MPPED2: variants seen among roughly 807,000 people sequenced by gnomAD.
MPPED2 encodes metallophosphoesterase MPPED2.
Under a neutral mutation model 33.0 loss-of-function variants are expected in MPPED2, and 5 were observed. That is an observed-to-expected ratio of 0.15 (90% CI 0.08 to 0.32). The LOEUF is 0.32. MPPED2 is among the 10% of genes least tolerant of loss of function. MPPED2 has a pLI of 1.00. For missense variants in MPPED2, 275 were observed against 372.1 expected (o/e 0.74, Z 2.15); for synonymous variants, 136 against 141.9 (o/e 0.96, Z 0.29).
intron 4 of MPPED2, among the ~76,000 whole-genome samples, chr11:30,439,917 T>C (rs1269280098): frequency 2.0e-5 from 3 of 152,260 alleles, no homozygotes; most frequent in Non-Finnish European, 4.4e-5. Context: ...ATCTAGGTGT[T>C]CTGTTAATCC....
intron 3 of MPPED2, among the ~76,000 whole-genome samples, chr11:30,516,973 C>T (rs1953569168): frequency 6.6e-6 from 1 of 152,078 alleles, no homozygotes. Flanking sequence ...GCTGTATGCT[C>T]CATTCTGTAT....
intron 4 of MPPED2, among the ~76,000 whole-genome samples, chr11:30,485,578 G>C (rs900411837): frequency 1.4e-5 from 2 of 144,590 alleles, no homozygotes; most frequent in Admixed American, 6.9e-5. Context: ...CCCTCCTTCT[G>C]TAAGTAAAAC....
chr11:30,514,178 TGATTAGTTAGTA>T (rs1234554969), intron 3 of MPPED2, among the ~76,000 whole-genome samples: 1 of 152,190 alleles, frequency 6.6e-6, no homozygotes, highest in East Asian at 1.9e-4. Context: ...GAGGGTATCT[TGATTAGTTAGTA>T]CATCTATTTC....
chr11:30,441,873 C>T (rs1423342593), intron 4 of MPPED2, among the ~76,000 whole-genome samples: 3 of 152,194 alleles, frequency 2.0e-5, no homozygotes, highest in Non-Finnish European at 4.4e-5. Context: ...CTCTGAAACT[C>T]TTATTCACAA....
At chr11:30,568,187 C>G (rs1407759878) in intron 2 of MPPED2, among the ~76,000 whole-genome samples, 1 of 152,148 alleles carries the variant, frequency 6.6e-6, no homozygotes, top group African/African-American at 2.4e-5. Context: ...CTTTTTGAAG[C>G]ATATATGATT....
rs893476013 is a variant in MPPED2 at position 30,516,218 on chromosome 11, A to G, written c.310+19776T>C. Among the ~76,000 whole-genome samples the G allele has an allele frequency of 6.6e-5, 10 of 152,288 alleles. No homozygotes were observed. In the South Asian group the frequency reaches 8.3e-4, roughly 13 times the overall value. The stretch of plus-strand genomic sequence containing the variant: ...GCCACACCTGTGCTGAAACCCCTTC[A>G]GAAAAGGAATAAAAATTAAGCTCGC... On this transcript the variant is annotated intron_variant, in intron 3 of 6. Coordinates refer to ENST00000358117, the MANE Select transcript of MPPED2 (RefSeq NM_001584.3).
In MPPED2 at chr11:30,397,168, G is replaced by A. The variant is rs530297925; in HGVS notation, c.767-8212C>T. Among the ~76,000 whole-genome samples the A allele has an allele frequency of 3.9e-5, 6 of 152,186 alleles. No individual in the cohort carries two copies. In the East Asian group the frequency reaches 1.2e-3, roughly 29 times the overall value. Reference sequence around the variant, plus strand: ...AACTAATGTAATTAAGAGAAGTATAGAAGTTAAACCCTTAAAAGAGAAATT... The same window carrying A: ...AACTAATGTAATTAAGAGAAGTATAAAAGTTAAACCCTTAAAAGAGAAATT... On this transcript the variant is annotated intron_variant, in intron 6 of 6. Coordinates refer to the MPPED2 transcript ENST00000448418.
At chr11:30,578,551 G>A (rs1027998369) in intron 2 of MPPED2, among the ~76,000 whole-genome samples, 10 of 152,160 alleles carry the variant, frequency 6.6e-5, no homozygotes, top group Admixed American at 5.2e-4. Context: ...TTCGCCAGTG[G>A]AATCTTGAGG....
intron 6 of MPPED2, among the ~76,000 whole-genome samples, chr11:30,392,068 G>A (rs1370851862): frequency 6.6e-6 from 1 of 152,170 alleles, no homozygotes; most frequent in Non-Finnish European, 1.5e-5. Context: ...AAAGCACCTG[G>A]TGTATGGTAG....
intron 3 of MPPED2, among the ~76,000 whole-genome samples, chr11:30,508,015 C>T (rs189013563): frequency 6.6e-6 from 1 of 152,068 alleles, no homozygotes; most frequent in African/African-American, 2.4e-5. Context: ...GAGATCTAGG[C>T]CTCAGCATCT....
chr11:30,580,230 CATAAGCG>C lies in MPPED2; in HGVS notation c.128+9_128+15del. 1.2e-6 allele frequency: 2 copies of C among 1,608,662 alleles called. No individual in the cohort carries two copies. The highest frequency in any genetic ancestry group is 1.7e-6 in the Non-Finnish European group (2 of 1,177,592). ...TCTTGATTGCTAATTTTGTTAAGTT[CATAAGCG>C]ATACTTACATATGTACATGTGGAGG... On this transcript the variant is annotated intron_variant, in intron 2 of 6. Coordinates refer to ENST00000358117, the MANE Select transcript of MPPED2 (RefSeq NM_001584.3).
intron 4 of MPPED2, among the ~76,000 whole-genome samples, chr11:30,491,276 A>C (rs1951971279): frequency 6.6e-6 from 1 of 152,184 alleles, no homozygotes; most frequent in Non-Finnish European, 1.5e-5. Context: ...TGTTTTTGAA[A>C]ATTCTAACTT....
At chr11:30,541,880 C>T (rs1011485045) in intron 2 of MPPED2, among the ~76,000 whole-genome samples, 14 of 152,160 alleles carry the variant, frequency 9.2e-5, no homozygotes, top group Non-Finnish European at 8.8e-5. Context: ...GAGTGAGCCA[C>T]GGTGCCTGGC....
intron 2 of MPPED2, among the ~76,000 whole-genome samples, chr11:30,556,898 G>A (rs140287310): frequency 2.0e-4 from 30 of 152,104 alleles, no homozygotes; most frequent in Admixed American, 1.8e-3. Flanking sequence ...GCCAGAAAAT[G>A]TAAGAAGAAA....
At chr11:30,525,879 G>A (rs980141838) in intron 3 of MPPED2, among the ~76,000 whole-genome samples, 6 of 152,050 alleles carry the variant, frequency 3.9e-5, no homozygotes, top group Non-Finnish European at 7.4e-5. Context: ...CAGAGGATTG[G>A]GTTCACATGG....
chr11:30,388,818 A>C, exon 7 of MPPED2: 1 of 1,455,320 alleles, frequency 6.9e-7, no homozygotes, highest in East Asian at 2.6e-5. Context: ...GATTCATGCC[A>C]GGATTGTAGC....
intron 3 of MPPED2, among the ~76,000 whole-genome samples, chr11:30,522,757 T>C (rs1275751513): frequency 6.6e-6 from 1 of 152,180 alleles, no homozygotes; most frequent in Admixed American, 6.5e-5. Flanking sequence ...CCTTTCATCT[T>C]CCTTGCAGGA....
chr11:30,561,061 G>A (rs1056303645), intron 2 of MPPED2, among the ~76,000 whole-genome samples: 1 of 152,116 alleles, frequency 6.6e-6, no homozygotes, highest in African/African-American at 2.4e-5. Context: ...TGTTTTATTT[G>A]TTTTTTAAAT....
intron 4 of MPPED2, among the ~76,000 whole-genome samples, chr11:30,491,574 A>G (rs565779848): frequency 3.5e-4 from 54 of 152,332 alleles, no homozygotes; most frequent in African/African-American, 1.3e-3. Flanking sequence ...TGCACTGTGG[A>G]TGCATTAATT....
Sources: gnomAD v4.1 joint callset for allele counts (sites outside exome capture counted in the v4.1 genomes callset) on GRCh38, gnomAD v4.1.1 for gene constraint, MANE v1.5 for transcripts, NCBI Gene and HGNC (gene_info 2026-07-23, HGNC 2026-07-21) for gene names.